Variants in AP2B1 observed in about 807,000 individuals in gnomAD.
The protein encoded by AP2B1 is AP-2 complex subunit beta.
Under a neutral mutation model 102.0 loss-of-function variants are expected in AP2B1, and 23 were observed. That is an observed-to-expected ratio of 0.23 (90% confidence interval 0.16 to 0.32). The LOEUF (loss-of-function observed/expected upper bound fraction) is 0.32. Among genes scored for constraint, AP2B1 ranks in the 10% least tolerant of loss-of-function variants. The probability of loss-of-function intolerance (pLI) is 1.00; values close to 1 mark genes in which losing one functional copy is unlikely to be tolerated. For missense variants in AP2B1, 541 were observed against 1,157.4 expected (o/e 0.47, Z 7.73); for synonymous variants, 381 against 421.2 (o/e 0.90, Z 1.17).
rs140923681 is a variant in AP2B1 at position 35,709,109 on chromosome 17, C to T, written c.2455-115C>T. The T allele has an allele frequency of 2.7e-3, 2,299 of 840,142 alleles. 18 individuals are homozygous for T. The highest frequency in any genetic ancestry group is 0.025 in the African/African-American group (1,499 of 60,188). The allele number at this position is 840,142 out of a possible 1,614,324, so 52.0% of individuals were successfully genotyped here. On this transcript the variant is annotated intron_variant, in intron 18 of 21. Coordinates refer to ENST00000610402, the MANE Select transcript of AP2B1 (RefSeq NM_001030006.2). ...AGTTTGTTTGATTTGGGGAGACCTG[C>T]ACTGAGAGAAAGAGGAAGGAAATAG...
At chr17:35,598,169 T>C (rs1365955751) in intron 2 of AP2B1, 61 bp from the exon 3 acceptor site, 5 of 925,968 alleles carry the variant, frequency 5.4e-6, no homozygotes, top group Non-Finnish European at 8.7e-6. Flanking sequence ...TTACATAGTG[T>C]AGTATTCTGC....
At chr17:35,677,858 T>C (rs1169360312) in intron 17 of AP2B1, among the ~76,000 whole-genome samples, 1 of 97,468 alleles carries the variant, frequency 1.0e-5, no homozygotes, top group African/African-American at 4.3e-5. Context: ...TTATAGTAAA[T>C]AGTTTTTTTT....
chr17:35,661,499 T>C (rs1162660171), intron 14 of AP2B1, among the ~76,000 whole-genome samples: 2 of 152,290 alleles, frequency 1.3e-5, no homozygotes, highest in East Asian at 3.9e-4. Context: ...AAAACAGATA[T>C]CTCTGACTTT....
At chr17:35,709,096 T>C (rs1054203351) in intron 18 of AP2B1, 128 bp from the exon 19 acceptor site, 11 of 757,896 alleles carry the variant, frequency 1.5e-5, no homozygotes, top group Non-Finnish European at 2.0e-5. Context: ...TTTGTTTGAT[T>C]TGGGGAGACC....
chr17:35,721,922 A>G (rs2085404597), intron 21 of AP2B1, among the ~76,000 whole-genome samples: 1 of 152,118 alleles, frequency 6.6e-6, no homozygotes, highest in Admixed American at 6.5e-5. Context: ...CTGGCAGTAG[A>G]GAAGGCTGTA....
chr17:35,618,677 T>C (rs1441650239), intron 5 of AP2B1, among the ~76,000 whole-genome samples: 1 of 152,200 alleles, frequency 6.6e-6, no homozygotes, highest in Non-Finnish European at 1.5e-5. Flanking sequence ...GTGTGTGATA[T>C]TCCACTCCCA....
chr17:35,665,532 A>G (rs2075447554), intron 14 of AP2B1, among the ~76,000 whole-genome samples: 1 of 152,206 alleles, frequency 6.6e-6, no homozygotes, highest in South Asian at 2.1e-4. Context: ...ACTCTGTTAG[A>G]AAGACACACA....
intron 14 of AP2B1, among the ~76,000 whole-genome samples, chr17:35,663,671 G>T (rs2075403261): frequency 6.6e-6 from 1 of 152,120 alleles, no homozygotes; most frequent in African/African-American, 2.4e-5. Context: ...CTTACTTGAT[G>T]GTAAATAATG....
At chr17:35,682,474 C>G (rs2075845147) in intron 17 of AP2B1, among the ~76,000 whole-genome samples, 1 of 151,244 alleles carries the variant, frequency 6.6e-6, no homozygotes, top group South Asian at 2.1e-4. Context: ...TCCCAAGTAG[C>G]TGGGATTACA....
intron 15 of AP2B1, among the ~76,000 whole-genome samples, chr17:35,671,188 G>C (rs2075579804): frequency 6.6e-6 from 1 of 152,146 alleles, no homozygotes; most frequent in Non-Finnish European, 1.5e-5. Flanking sequence ...CTTGACTGGA[G>C]AATGCTTATT....
At chr17:35,651,575 G>A (rs933704327) in intron 13 of AP2B1, among the ~76,000 whole-genome samples, 2 of 152,142 alleles carry the variant, frequency 1.3e-5, no homozygotes, top group African/African-American at 4.8e-5. Context: ...CTATTAATGA[G>A]TGTCTTGTAC....
chr17:35,725,019 G>T lies in AP2B1; in HGVS notation c.*1320G>T, dbSNP rs1374501634. 2.0e-5 allele frequency: 3 copies of T among 152,160 alleles called. No individual in the cohort carries two copies. Among genetic ancestry groups the T allele is most frequent in the African/African-American group, 7.2e-5 (3 of 41,424 alleles). The allele number at this position is 152,160 out of a possible 1,614,324, so 9.4% of individuals were successfully genotyped here. ...GAGATGAAGTGAGCTTAGAGATGTT[G>T]CAAATGCTCTTTATCCCTTCAGCTC... is the stretch of plus-strand genomic sequence containing the variant. On this transcript the variant is annotated 3_prime_UTR_variant, in exon 22 of 22. Transcript: ENST00000610402.
intron 4 of AP2B1, among the ~76,000 whole-genome samples, chr17:35,606,159 ATTATAC>A (rs1319320479): frequency 1.3e-5 from 2 of 152,312 alleles, no homozygotes; most frequent in East Asian, 1.9e-4. Flanking sequence ...CTTTGTAGAA[ATTATAC>A]TTATGAGTCA....
At chr17:35,646,108 A>C (rs535148681) in intron 12 of AP2B1, among the ~76,000 whole-genome samples, 12 of 152,318 alleles carry the variant, frequency 7.9e-5, no homozygotes, top group African/African-American at 2.9e-4. Context: ...TGCACATTAT[A>C]GTTTAAGAAT....
chr17:35,682,666 C>T, intron 17 of AP2B1, 29 bp from the exon 18 acceptor site: 1 of 1,591,928 alleles, frequency 6.3e-7, no homozygotes, highest in South Asian at 1.1e-5. Context: ...CTTGATTAAC[C>T]TCTGTGATTT....
intron 12 of AP2B1, among the ~76,000 whole-genome samples, chr17:35,642,825 TA>T (rs34293010): frequency 0.23 from 34,997 of 152,018 alleles, 4,315 homozygotes; most frequent in East Asian, 0.34. Context: ...TACTACAACT[TA>T]AAAAAATGTA....
At chr17:35,625,733 A>G (rs937638108) in intron 6 of AP2B1, among the ~76,000 whole-genome samples, 2 of 152,226 alleles carry the variant, frequency 1.3e-5, no homozygotes, top group East Asian at 3.9e-4. Context: ...AGTAAAGTAG[A>G]GAAGAAATCT....
chr17:35,636,236 T>C, intron 9 of AP2B1, 105 bp from the exon 10 acceptor site: 1 of 673,096 alleles, frequency 1.5e-6, no homozygotes, highest in Non-Finnish European at 2.6e-6. Context: ...CCTGATCATT[T>C]AGTTTGGTTT....
rs1232435051 is a variant in AP2B1, at chr17:35,723,799, G to A, written c.*100G>A. On this transcript the variant is annotated 3_prime_UTR_variant, in exon 22 of 22. Transcript: ENST00000610402. ...TTGCTGCGTAGAATCTGAACACACT[G>A]AGGCCACCTAGCAAGGTAGTAACTA... 4.6e-6 allele frequency: 4 copies of A among 865,426 alleles called. No homozygotes were observed. The African/African-American group carries it at 6.6e-5, about 14-fold the overall frequency. 53.6% of individuals were successfully genotyped at this position (865,426 alleles called of 1,614,324 possible).
Sources: allele counts gnomAD v4.1 joint callset (sites outside exome capture counted in the v4.1 genomes callset), GRCh38; gene constraint gnomAD v4.1.1; transcripts MANE v1.5; gene names NCBI Gene and HGNC (gene_info 2026-07-23, HGNC 2026-07-21).